DPP10: variants seen among roughly 807,000 people sequenced by gnomAD.
DPP10 encodes the protein inactive dipeptidyl peptidase 10.
A neutral mutation model predicts 120.9 loss-of-function variants in DPP10; 33 were observed. That is an observed-to-expected ratio of 0.27 (90% CI 0.21 to 0.37). DPP10 has a LOEUF of 0.37. Ranked by LOEUF, DPP10 falls within the 10% of genes least tolerant of loss-of-function variation. DPP10 has a pLI of 1.00. For synonymous variants in DPP10, 337 were observed against 326.1 expected, an observed-to-expected ratio of 1.03 and a Z score of -0.36; for missense variants, 816 against 942.8, an observed-to-expected ratio of 0.87 and a Z score of 1.76.
At chr2:114,960,482 C>T (rs1393324525) in intron 1 of DPP10, among the ~76,000 whole-genome samples, 1 of 151,524 alleles carries the variant, frequency 6.6e-6, no homozygotes, top group African/African-American at 2.4e-5. Flanking sequence ...ATTTTTACAC[C>T]TGTTAATTTT....
chr2:115,461,730 G>A (rs1484698781), intron 3 of DPP10, among the ~76,000 whole-genome samples: 1 of 152,010 alleles, frequency 6.6e-6, no homozygotes, highest in Admixed American at 6.6e-5. Context: ...TTATATAATA[G>A]ATGATAATGT....
chr2:115,607,103 A>G (rs1441133248), intron 5 of DPP10, among the ~76,000 whole-genome samples: 1 of 152,186 alleles, frequency 6.6e-6, no homozygotes, highest in Non-Finnish European at 1.5e-5. Flanking sequence ...CTAATAGTTG[A>G]TTAATGAAAT....
chr2:115,011,225 G>A (rs2105089637), intron 1 of DPP10, among the ~76,000 whole-genome samples: 1 of 152,224 alleles, frequency 6.6e-6, no homozygotes, highest in East Asian at 1.9e-4. Flanking sequence ...AACGCTTTGG[G>A]TGCCCTTAAA....
At chr2:114,992,365 T>A (rs1700800012) in intron 1 of DPP10, among the ~76,000 whole-genome samples, 1 of 152,186 alleles carries the variant, frequency 6.6e-6, no homozygotes, top group Non-Finnish European at 1.5e-5. Context: ...AGCTCCCTAG[T>A]GGGAAGCTGT....
intron 5 of DPP10, among the ~76,000 whole-genome samples, chr2:115,569,464 G>C (rs1377085688): frequency 2.0e-5 from 3 of 152,100 alleles, no homozygotes; most frequent in Non-Finnish European, 4.4e-5. Context: ...TATTTAATTT[G>C]TTATATCAGA....
intron 1 of DPP10, among the ~76,000 whole-genome samples, chr2:114,987,993 C>T (rs1266154481): frequency 1.3e-5 from 2 of 151,382 alleles, no homozygotes; most frequent in African/African-American, 4.9e-5. Flanking sequence ...TTAGTAGAGA[C>T]GGGGGTTTCT....
At chr2:115,650,301 G>A (rs1024304115) in intron 5 of DPP10, among the ~76,000 whole-genome samples, 1 of 150,588 alleles carries the variant, frequency 6.6e-6, no homozygotes, top group Non-Finnish European at 1.5e-5. Flanking sequence ...ATTATTCCAG[G>A]AACATCTAAA....
chr2:115,285,170 C>T (rs2060314592), intron 1 of DPP10, among the ~76,000 whole-genome samples: 1 of 152,018 alleles, frequency 6.6e-6, no homozygotes, highest in Non-Finnish European at 1.5e-5. Context: ...TTAGAGCAGG[C>T]CCAGGACCTA....
intron 3 of DPP10, among the ~76,000 whole-genome samples, chr2:115,363,141 C>T (rs1243951328): frequency 6.6e-6 from 1 of 152,192 alleles, no homozygotes; most frequent in East Asian, 1.9e-4. Flanking sequence ...AAATCACACA[C>T]TACCTAGTTA....
At chr2:115,362,518 G>A (rs1574560788) in intron 3 of DPP10, among the ~76,000 whole-genome samples, 1 of 152,028 alleles carries the variant, frequency 6.6e-6, no homozygotes, top group South Asian at 2.1e-4. Flanking sequence ...GGCAGGTGAC[G>A]TTTTCCAACT....
At chr2:115,272,307 A>G (rs2059731448) in intron 1 of DPP10, among the ~76,000 whole-genome samples, 2 of 152,238 alleles carry the variant, frequency 1.3e-5, no homozygotes, top group Admixed American at 6.5e-5. Flanking sequence ...CTGCACTCAT[A>G]GTGCCTAAAA....
chr2:114,926,470 G>C (rs1177302881), intron 1 of DPP10, among the ~76,000 whole-genome samples: 1 of 152,210 alleles, frequency 6.6e-6, no homozygotes, highest in Non-Finnish European at 1.5e-5. Context: ...AGCTGGATCA[G>C]ATCACAAAAG....
chr2:115,064,643 G>A lies in DPP10; in HGVS notation c.61-244596G>A, dbSNP rs1287047656. ...TGCTTCCTGTACTTATATGTGAATAGCAAAGTGTTGAGAACTGGAAGCATG... is the reference window on the plus strand; with the variant it reads ...TGCTTCCTGTACTTATATGTGAATAACAAAGTGTTGAGAACTGGAAGCATG... On this transcript the variant is annotated intron_variant, in intron 1 of 25. Coordinates refer to ENST00000410059, the MANE Select transcript of DPP10 (RefSeq NM_020868.6). The A allele has an allele frequency of 7.8e-6, 10 of 1,278,458 alleles. No individual in the cohort carries two copies. In the African/African-American group the frequency reaches 1.5e-4, roughly 20 times the overall value. 79.2% of individuals were successfully genotyped at this position (1,278,458 alleles called of 1,614,324 possible).
intron 2 of DPP10, among the ~76,000 whole-genome samples, chr2:115,327,928 A>G (rs1258624203): frequency 3.3e-5 from 5 of 152,058 alleles, no homozygotes; most frequent in Admixed American, 6.6e-5. Context: ...AGTTTTATCA[A>G]CCATTGCTTT....
At chr2:114,975,291 A>C (rs1699679821) in intron 1 of DPP10, among the ~76,000 whole-genome samples, 1 of 151,798 alleles carries the variant, frequency 6.6e-6, no homozygotes, top group Non-Finnish European at 1.5e-5. Context: ...TGATCCACTC[A>C]CCTTGGCCTC....
chr2:114,924,987 T>A (rs558466486), intron 1 of DPP10, among the ~76,000 whole-genome samples: 2,518 of 152,008 alleles, frequency 0.017, 81 homozygotes, highest in African/African-American at 0.057. Context: ...CGAGGGGGGC[T>A]AATCACGAGG....
chr2:114,883,840 C>T (rs114562590), intron 1 of DPP10, among the ~76,000 whole-genome samples: 121 of 152,282 alleles, frequency 7.9e-4, no homozygotes, highest in African/African-American at 2.8e-3. Flanking sequence ...ATTTCACCAA[C>T]ATCTAGAAGT....
intron 5 of DPP10, among the ~76,000 whole-genome samples, chr2:115,678,806 G>A (rs966161351): frequency 6.6e-6 from 1 of 152,188 alleles, no homozygotes; most frequent in Non-Finnish European, 1.5e-5. Flanking sequence ...AGCCACAGTG[G>A]GTGGAGATGC....
At chr2:114,626,616 G>C (rs1007569395) in intron 1 of DPP10, among the ~76,000 whole-genome samples, 1 of 151,978 alleles carries the variant, frequency 6.6e-6, no homozygotes, top group Non-Finnish European at 1.5e-5. Flanking sequence ...TCTAGAAGCA[G>C]ATCTAGTTTG....
Sources: allele counts gnomAD v4.1 joint callset (sites outside exome capture counted in the v4.1 genomes callset), GRCh38; gene constraint gnomAD v4.1.1; transcripts MANE v1.5; gene names NCBI Gene and HGNC (gene_info 2026-07-23, HGNC 2026-07-21).